Variants in RBM41 observed in about 807,000 individuals in gnomAD.
RBM41 encodes the protein RNA-binding protein 41.
In RBM41, 14 loss-of-function variants were observed where a neutral mutation model predicts 30.8. That is an observed-to-expected ratio of 0.45 (90% CI 0.30 to 0.71). The LOEUF (loss-of-function observed/expected upper bound fraction) is 0.71. RBM41 is among the 30% of genes least tolerant of loss of function. The pLI is 0.08. For missense variants in RBM41, 276 were observed against 326.3 expected, an observed-to-expected ratio of 0.85 and a Z score of 1.19; for synonymous variants, 120 against 110.1, an observed-to-expected ratio of 1.09 and a Z score of -0.56.
In RBM41 at chrX:107,066,123, A is replaced by C; in HGVS notation, c.*1404T>G. On this transcript the variant is annotated 3_prime_UTR_variant, in exon 8 of 8. Transcript: ENST00000685964. ...TATTGGTTGACAGTTATTTTCTTTG[A>C]ACACTTTGAATGTGTTATTCCACTG... Among the ~76,000 whole-genome samples the C allele has an allele frequency of 8.9e-6, 1 of 112,008 alleles. No homozygotes were observed. Among genetic ancestry groups the C allele is most frequent in the Non-Finnish European group, 1.9e-5 (1 of 53,129 alleles).
chrX:107,095,102 C>T (rs1922848297), intron 5 of RBM41, among the ~76,000 whole-genome samples: 1 of 101,717 alleles, frequency 9.8e-6, no homozygotes, highest in Non-Finnish European at 2.0e-5. Flanking sequence ...TAGCTCTCAC[C>T]ACTTCCATTC....
chrX:107,082,823 T>C (rs1050891273), intron 6 of RBM41, among the ~76,000 whole-genome samples: 11 of 111,191 alleles, frequency 9.9e-5, no homozygotes, highest in African/African-American at 3.6e-4. Flanking sequence ...TTTATATATA[T>C]ACACTAATTC....
In RBM41 at chrX:107,063,648, C is replaced by T. The variant is rs1281754278; in HGVS notation, c.*3879G>A. Among the ~76,000 whole-genome samples, 3 of 111,263 alleles carry T rather than the reference C, an allele frequency of 2.7e-5. No individual in the cohort carries two copies. Among genetic ancestry groups the T allele is most frequent in the African/African-American group, 9.8e-5 (3 of 30,647 alleles). ...TTGACATAAAATTATTCATAATATGCCTTCATAATCTTTTTTATTTCTACA... is the reference window on the plus strand; with the variant it reads ...TTGACATAAAATTATTCATAATATGTCTTCATAATCTTTTTTATTTCTACA... On this transcript the variant is annotated 3_prime_UTR_variant, in exon 8 of 8. Transcript: ENST00000685964.
chrX:107,074,862 A>G (rs1936179105), intron 6 of RBM41, among the ~76,000 whole-genome samples: 1 of 111,961 alleles, frequency 8.9e-6, no homozygotes, highest in African/African-American at 3.2e-5. Context: ...GATTCAATGC[A>G]ATCTCTATCA....
rs894536047 is a variant in RBM41 at position 107,065,563 on chromosome X, C to T, written c.*1964G>A. On this transcript the variant is annotated 3_prime_UTR_variant, in exon 8 of 8. Transcript: ENST00000685964. ...TCCTATACATTACAAACCCAACACA[C>T]ATTATTATAATTACTTAATATAATT... The T allele has an allele frequency of 3.5e-5, 12 of 346,943 alleles. No homozygotes were observed. Among genetic ancestry groups the T allele is most frequent in the African/African-American group, 3.2e-4 (12 of 37,510 alleles). The allele number at this position is 346,943 out of a possible 1,213,427, so 28.6% of individuals were successfully genotyped here.
chrX:107,102,843 G>T (rs1569341686), intron 5 of RBM41, among the ~76,000 whole-genome samples: 1 of 111,443 alleles, frequency 9.0e-6, no homozygotes, highest in Admixed American at 9.6e-5. Flanking sequence ...ACTTGCTTTA[G>T]ACCAGTAACC....
intron 7 of RBM41, among the ~76,000 whole-genome samples, chrX:107,068,233 GT>G (rs1935914692): frequency 9.0e-6 from 1 of 110,776 alleles, no homozygotes; most frequent in Admixed American, 9.6e-5. Context: ...CAACTTATGG[GT>G]CTAAGAGCCT....
chrX:107,115,320 A>C lies in RBM41; in HGVS notation c.523+32T>G, dbSNP rs766409562. 3 of 1,185,304 alleles carry C rather than the reference A, an allele frequency of 2.5e-6. No individual in the cohort carries two copies. The East Asian group carries it at 8.9e-5, about 35-fold the overall frequency. Reference sequence around the variant, plus strand: ...GCTGTTTAATCTTTCTCTCAGTGAAAGAATATATCAAAGTCAGTGGGGATC... The same window carrying C: ...GCTGTTTAATCTTTCTCTCAGTGAACGAATATATCAAAGTCAGTGGGGATC... On this transcript the variant is annotated intron_variant, in intron 4 of 7. Coordinates refer to ENST00000685964, the MANE Select transcript of RBM41 (RefSeq NM_001324242.2).
intron 5 of RBM41, among the ~76,000 whole-genome samples, chrX:107,098,630 C>A (rs1255862375): frequency 1.8e-5 from 2 of 111,677 alleles, no homozygotes; most frequent in African/African-American, 6.5e-5. Flanking sequence ...CTACTTTATA[C>A]CACATACATA....
At chrX:107,108,005 C>T (rs1924158211) in intron 5 of RBM41, among the ~76,000 whole-genome samples, 1 of 111,063 alleles carries the variant, frequency 9.0e-6, no homozygotes, top group Admixed American at 9.6e-5. Flanking sequence ...TGTATAACTC[C>T]AGAAAAGTTT....
intron 6 of RBM41, among the ~76,000 whole-genome samples, chrX:107,080,761 T>C (rs1269719161): frequency 8.9e-6 from 1 of 111,971 alleles, no homozygotes; most frequent in Non-Finnish European, 1.9e-5. Flanking sequence ...ATTTTTCAAT[T>C]CTCTGATGAC....
At chrX:107,054,045 AC>A in the RBM41 span, among the ~76,000 whole-genome samples, 1 of 110,693 alleles carries the variant, frequency 9.0e-6, no homozygotes, top group Non-Finnish European at 1.9e-5. Flanking sequence ...AAGGGGAGCT[AC>A]TGGTTGTACA....
chrX:107,098,230 T>C (rs770136236), intron 5 of RBM41, among the ~76,000 whole-genome samples: 1 of 111,894 alleles, frequency 8.9e-6, no homozygotes, highest in African/African-American at 3.2e-5. Context: ...TTGACCTCAA[T>C]TGACTTAAAT....
downstream of RBM41, among the ~76,000 whole-genome samples, chrX:107,061,487 A>G (rs188814176): frequency 4.5e-5 from 5 of 112,049 alleles, no homozygotes; most frequent in East Asian, 1.4e-3. Context: ...TTTTATGTAT[A>G]CTAAAAAGTT....
At chrX:107,061,434 T>C (rs1935636413), downstream of RBM41, among the ~76,000 whole-genome samples, 1 of 112,138 alleles carries the variant, frequency 8.9e-6, no homozygotes, top group Admixed American at 9.5e-5. Flanking sequence ...CATTTATATT[T>C]TCTTTTCAAC....
At chrX:107,111,682 T>C (rs759815257) in intron 5 of RBM41, among the ~76,000 whole-genome samples, 1 of 111,707 alleles carries the variant, frequency 9.0e-6, no homozygotes, top group Non-Finnish European at 1.9e-5. Context: ...GCTATATACA[T>C]ACAATGGGAT....
chrX:107,065,488 C>G lies in RBM41; in HGVS notation c.*2039G>C. On this transcript the variant is annotated 3_prime_UTR_variant, in exon 8 of 8. Coordinates refer to ENST00000685964, the MANE Select transcript of RBM41 (RefSeq NM_001324242.2). ...TTAATTCCAATGTAACAACCCTATT[C>G]CTATATAAACCCATCCCCCGCTTTG... is the stretch of plus-strand genomic sequence containing the variant. 1 of 226,638 alleles carries G rather than the reference C, an allele frequency of 4.4e-6. No homozygotes were observed. The highest frequency in any genetic ancestry group is 6.9e-5 in the Admixed American group (1 of 14,544). The allele number at this position is 226,638 out of a possible 1,213,427, so 18.7% of individuals were successfully genotyped here.
the RBM41 span, among the ~76,000 whole-genome samples, chrX:107,056,325 C>T: frequency 1.8e-5 from 2 of 111,725 alleles, no homozygotes; most frequent in Non-Finnish European, 3.8e-5. Context: ...TATCTGTATT[C>T]GTAAGGGACA....
chrX:107,054,065 G>A, the RBM41 span, among the ~76,000 whole-genome samples: 1 of 110,536 alleles, frequency 9.0e-6, no homozygotes, highest in Non-Finnish European at 1.9e-5. Context: ...CAGCAGCATG[G>A]AGGGGGTGCA....
Sources: gnomAD v4.1 joint callset for allele counts (sites outside exome capture counted in the v4.1 genomes callset) on GRCh38, gnomAD v4.1.1 for gene constraint, MANE v1.5 for transcripts, NCBI Gene and HGNC (gene_info 2026-07-23, HGNC 2026-07-21) for gene names.